Variants in EFCAB3 observed in about 807,000 individuals in gnomAD.
The protein encoded by EFCAB3 is EF-hand calcium-binding domain-containing protein 3.
A neutral mutation model predicts 42.2 loss-of-function variants in EFCAB3; 36 were observed. The observed-to-expected ratio is 0.85, with a 90% CI of 0.65 to 1.13. EFCAB3 has a LOEUF of 1.13. EFCAB3 is among the 50% of genes most tolerant of loss of function. EFCAB3 has a pLI of 0.00. For synonymous variants in EFCAB3, 170 were observed against 172.8 expected (o/e 0.98, Z 0.13); for missense variants, 418 against 505.1 (o/e 0.83, Z 1.65).
At chr17:62,409,649 CT>C (rs112820379) in intron 8 of EFCAB3, among the ~76,000 whole-genome samples, 2,886 of 150,542 alleles carry the variant, frequency 0.019, 73 homozygotes, top group African/African-American at 0.068. Context: ...ACCTTACCCC[CT>C]TTCCTGATTT....
At position 62,373,731 on chromosome 17, in the gene EFCAB3, C is replaced by T. The variant is rs1290840959; in HGVS notation, c.35-83C>T. ...TTCTAACTCATGGAAGAATTTCAGC[C>T]TATTATATTGTTTTTAATAATTTCA... is the stretch of plus-strand genomic sequence containing the variant. On this transcript the variant is annotated intron_variant, in intron 1 of 11. Coordinates refer to the EFCAB3 transcript ENST00000450662. The T allele has an allele frequency of 6.5e-6, 5 of 773,724 alleles. No individual in the cohort carries two copies. The African/African-American group carries it at 9.0e-5, about 14-fold the overall frequency. 47.9% of individuals were successfully genotyped at this position (773,724 alleles called of 1,614,324 possible).
chr17:62,376,765 A>T (rs926039494), upstream of EFCAB3, among the ~76,000 whole-genome samples: 2 of 152,224 alleles, frequency 1.3e-5, no homozygotes, highest in African/African-American at 2.4e-5. Context: ...GCTAAAATTT[A>T]TGTTATTTGA....
At chr17:62,375,070 C>T (rs1178624977) in intron 2 of EFCAB3, among the ~76,000 whole-genome samples, 1 of 152,088 alleles carries the variant, frequency 6.6e-6, no homozygotes, top group Non-Finnish European at 1.5e-5. Context: ...ACTGTGATTG[C>T]ACCACTGCAC....
At chr17:62,370,985 G>A (rs550005042) in intron 1 of EFCAB3, among the ~76,000 whole-genome samples, 1 of 151,844 alleles carries the variant, frequency 6.6e-6, no homozygotes, top group Admixed American at 6.6e-5. Flanking sequence ...CTAGCTAATT[G>A]GGAGGCTGAG....
rs2070456365 is a variant in EFCAB3 at position 62,407,182 on chromosome 17, T to C, written c.837T>C (p.Tyr279=). The change falls in exon 8 of 10, where the codon TAT becomes TAC. Residue 279 remains tyrosine, a synonymous_variant. Transcript: ENST00000305286. ...IKEPLHFFED[Y]FFHKRDWKTQ... is the part of the protein sequence containing the mutation. ...AGCCTTTGCATTTCTTTGAGGATTA[T>C]TTTTTCCATAAAAGAGACTGGAAAA... The C allele has an allele frequency of 6.3e-7, 1 of 1,595,102 alleles. No individual in the cohort carries two copies. The highest frequency in any genetic ancestry group is 8.5e-7 in the Non-Finnish European group (1 of 1,174,490).
At chr17:62,383,983 A>G (rs2070226612) in intron 2 of EFCAB3, among the ~76,000 whole-genome samples, 1 of 152,228 alleles carries the variant, frequency 6.6e-6, no homozygotes, top group East Asian at 1.9e-4. Flanking sequence ...GCCACTAATG[A>G]GCAAAAATGA....
At chr17:62,397,420 T>G in intron 6 of EFCAB3, 2 of 462,588 alleles carry the variant, frequency 4.3e-6, no homozygotes, top group Non-Finnish European at 8.3e-6. Flanking sequence ...ATGGACTTCG[T>G]GTGGCTAGGA....
intron 4 of EFCAB3, among the ~76,000 whole-genome samples, chr17:62,392,819 A>T (rs1342960764): frequency 1.3e-5 from 2 of 151,954 alleles, no homozygotes; most frequent in African/African-American, 4.8e-5. Flanking sequence ...TTGTATTTTT[A>T]GTAGATACAG....
In EFCAB3 at chr17:62,400,803, C is replaced by T. The variant is rs2518430; in HGVS notation, c.488+5615C>T. On this transcript the variant is annotated intron_variant, in intron 6 of 9. Coordinates refer to ENST00000305286, the MANE Select transcript of EFCAB3 (RefSeq NM_173503.4). ...TTTCTAGATCCTTGAGGAATCGCCA[C>T]ACTGTCTTCCACAATGGTTGAAGCA... Among the ~76,000 whole-genome samples, 398 of 152,296 alleles carry T rather than the reference C, an allele frequency of 2.6e-3. 2 individuals carry two copies. Among genetic ancestry groups the T allele is most frequent in the African/African-American group, 8.1e-3 (338 of 41,548 alleles).
intron 5 of EFCAB3, among the ~76,000 whole-genome samples, chr17:62,394,350 C>G (rs895016529): frequency 1.3e-5 from 2 of 152,168 alleles, no homozygotes; most frequent in African/African-American, 4.8e-5. Context: ...AAAATGTACT[C>G]TCTCATGTAA....
intron 9 of EFCAB3, among the ~76,000 whole-genome samples, chr17:62,415,572 T>G (rs1050051425): frequency 6.6e-6 from 1 of 152,126 alleles, no homozygotes; most frequent in Non-Finnish European, 1.5e-5. Context: ...GGTCTCTGTT[T>G]GTGCTGTCCC....
At chr17:62,394,403 C>T (rs1251976369) in intron 5 of EFCAB3, among the ~76,000 whole-genome samples, 1 of 152,146 alleles carries the variant, frequency 6.6e-6, no homozygotes, top group Non-Finnish European at 1.5e-5. Flanking sequence ...AAAATACCTT[C>T]CCCACACTGA....
At chr17:62,403,960 G>T (rs1440534003) in intron 6 of EFCAB3, among the ~76,000 whole-genome samples, 1 of 152,078 alleles carries the variant, frequency 6.6e-6, no homozygotes, top group Non-Finnish European at 1.5e-5. Flanking sequence ...CTCATCTCTT[G>T]TAACTTCCCC....
intron 6 of EFCAB3, among the ~76,000 whole-genome samples, chr17:62,406,210 A>G (rs1354541589): frequency 6.6e-6 from 1 of 152,096 alleles, no homozygotes; most frequent in Admixed American, 6.6e-5. Flanking sequence ...TCTCTCTAAA[A>G]AAAACAAAAA....
In EFCAB3 at chr17:62,416,287, A is replaced by G; in HGVS notation, c.1275A>G (p.Gly425=). ...CCAGTGAATGTTACACAGACTCAGG[A>G]AGAAAAAGAAAACGGAAAGGTTTAA... ...SDTSECYTDS[G]RKRKRKGLKG... is the part of the protein sequence containing the mutation. The change falls in exon 10 of 10, where the codon GGA becomes GGG. Residue 425 remains glycine, a synonymous_variant. Transcript: ENST00000305286. 1 of 1,611,214 alleles carries G rather than the reference A, an allele frequency of 6.2e-7. No individual in the cohort carries two copies. The highest frequency in any genetic ancestry group is 8.5e-7 in the Non-Finnish European group (1 of 1,179,230).
intron 8 of EFCAB3, among the ~76,000 whole-genome samples, chr17:62,407,511 C>G (rs772103164): frequency 4.7e-4 from 72 of 152,152 alleles, no homozygotes; most frequent in Non-Finnish European, 8.8e-4. Flanking sequence ...GGACCAGAAG[C>G]TGCACTCTGG....
At chr17:62,389,471 C>T (rs977318910) in intron 3 of EFCAB3, among the ~76,000 whole-genome samples, 5 of 152,152 alleles carry the variant, frequency 3.3e-5, no homozygotes, top group Non-Finnish European at 7.3e-5. Context: ...AAAATGTGTT[C>T]GTTACAGTGC....
rs111563649 is a variant in EFCAB3, at chr17:62,392,018, A to G, written c.295+53A>G. On this transcript the variant is annotated intron_variant, in intron 4 of 9. Coordinates refer to ENST00000305286, the MANE Select transcript of EFCAB3 (RefSeq NM_173503.4). ...TCTCATAAAAGATTTTTGTGAATAT[A>G]TAGTTTTCTTTTAATGACTGTATAA... 4.8e-3 allele frequency: 7,390 copies of G among 1,541,078 alleles called. 285 individuals carry two copies. In the African/African-American group the frequency reaches 0.084, roughly 18 times the overall value.
Position 62,381,051 on chromosome 17 carries a change from G to A in EFCAB3, c.-18+438G>A, listed in dbSNP as rs150029249. On this transcript the variant is annotated intron_variant, in intron 1 of 9. Transcript: ENST00000305286. ...TTAGGGTACACGTGCACAACGTGCA[G>A]GTTAGTTACATACGTATACATGTGC... Among the ~76,000 whole-genome samples, 972 of 152,186 alleles carry A rather than the reference G, an allele frequency of 6.4e-3. 8 individuals carry two copies. Among genetic ancestry groups the A allele is most frequent in the Non-Finnish European group, 0.011 (750 of 67,994 alleles).
Sources: gnomAD v4.1 joint callset for allele counts (sites outside exome capture counted in the v4.1 genomes callset) on GRCh38, gnomAD v4.1.1 for gene constraint, MANE v1.5 for transcripts, NCBI Gene and HGNC (gene_info 2026-07-23, HGNC 2026-07-21) for gene names.